The following NEDD4L variants were observed in gnomAD, a reference collection of about 807,000 sequenced individuals.
NEDD4L encodes the protein NEDD4 like E3 ubiquitin protein ligase, also known as E3 ubiquitin-protein ligase NEDD4-like.
A neutral mutation model predicts 148.9 loss-of-function variants in NEDD4L; 54 were observed. That is an observed-to-expected ratio of 0.36 (90% CI 0.29 to 0.45). The LOEUF (loss-of-function observed/expected upper bound fraction) is 0.45, where lower values mean the gene tolerates loss of function less well. Among genes scored for constraint, NEDD4L ranks in the 20% least tolerant of loss-of-function variants. The pLI is 1.00. For synonymous variants in NEDD4L, 433 were observed against 440.7 expected (o/e 0.98, Z 0.22); for missense variants, 856 against 1,233.8 (o/e 0.69, Z 4.59).
intron 12 of NEDD4L, among the ~76,000 whole-genome samples, chr18:58,334,967 C>T (rs1316571836): frequency 6.6e-6 from 1 of 152,166 alleles, no homozygotes; most frequent in African/African-American, 2.4e-5. Context: ...TGGTAGGATC[C>T]TTCTCAACCT....
intron 1 of NEDD4L, among the ~76,000 whole-genome samples, chr18:58,098,212 G>C (rs1197133820): frequency 6.6e-6 from 1 of 152,108 alleles, no homozygotes; most frequent in Non-Finnish European, 1.5e-5. Flanking sequence ...GGAGAACTGA[G>C]AGGGGATCCC....
intron 25 of NEDD4L, among the ~76,000 whole-genome samples, chr18:58,385,119 A>G (rs1009239078): frequency 6.6e-6 from 1 of 152,230 alleles, no homozygotes; most frequent in East Asian, 1.9e-4. Flanking sequence ...ATATGTATAC[A>G]TATATGTGGG....
chr18:58,052,441 A>T (rs1486281171), intron 1 of NEDD4L, among the ~76,000 whole-genome samples: 1 of 151,798 alleles, frequency 6.6e-6, no homozygotes, highest in East Asian at 1.9e-4. Context: ...TAAATTTGAC[A>T]CTCCAGTCAA....
chr18:58,309,103 G>A (rs561702789), intron 5 of NEDD4L, among the ~76,000 whole-genome samples: 2 of 152,306 alleles, frequency 1.3e-5, no homozygotes, highest in South Asian at 4.1e-4. Context: ...GTCCTCATGT[G>A]TCTTCACTTG....
intron 5 of NEDD4L, among the ~76,000 whole-genome samples, chr18:58,284,086 T>G (rs1286667873): frequency 6.6e-6 from 1 of 152,228 alleles, no homozygotes; most frequent in African/African-American, 2.4e-5. Context: ...CCTGCCCATA[T>G]CTTGATCTTG....
At position 58,165,837 on chromosome 18, in the gene NEDD4L, C is replaced by A. The variant is rs776869289; in HGVS notation, c.98C>A (p.Ala33Asp). 6.2e-7 allele frequency: 1 copy of A among 1,610,392 alleles called. No homozygotes were observed. Among genetic ancestry groups the A allele is most frequent in the Non-Finnish European group, 8.5e-7 (1 of 1,178,118 alleles). Residue 33 changes from alanine to aspartate, a missense_variant, in exon 2 of 31, where the codon GCC becomes GAC. Coordinates refer to ENST00000400345, the MANE Select transcript of NEDD4L (RefSeq NM_001144967.3). The stretch of plus-strand genomic sequence containing the variant: ...AAAGTTGTTTCTGGAATTGATCTCG[C>A]CAAAAAGGACATCTTTGGAGCCAGG... ...RVKVVSGIDL[A>D]KKDIFGASDP...
intron 13 of NEDD4L, among the ~76,000 whole-genome samples, chr18:58,337,759 C>G (rs1392297222): frequency 6.6e-6 from 1 of 152,172 alleles, no homozygotes; most frequent in Non-Finnish European, 1.5e-5. Context: ...CAACTCCATA[C>G]GCTGTGCTGA....
rs1388738688 is a variant in NEDD4L, at chr18:58,398,463, T to C, written c.*2194T>C. The C allele has an allele frequency of 2.0e-5, 3 of 152,052 alleles. 1 individual carries two copies. The highest frequency in any genetic ancestry group is 6.6e-5 in the Admixed American group (1 of 15,262). 9.4% of individuals were successfully genotyped at this position (152,052 alleles called of 1,614,324 possible). A position where few individuals can be genotyped will look rare whatever the true frequency, so the allele number is the denominator to read the frequency against. ...AAACCGTATATTGAAAAAAACAGAA[T>C]GTCACTAAATGCATATTAAGTCAAG... On this transcript the variant is annotated 3_prime_UTR_variant, in exon 31 of 31. Transcript: ENST00000400345.
intron 5 of NEDD4L, among the ~76,000 whole-genome samples, chr18:58,300,995 G>T (rs1316238798): frequency 4.6e-5 from 7 of 152,168 alleles, no homozygotes; most frequent in Admixed American, 4.6e-4. Flanking sequence ...CATGTATAAA[G>T]AATCTTTGAA....
chr18:58,186,737 C>T (rs961162537), intron 2 of NEDD4L, among the ~76,000 whole-genome samples: 2 of 152,214 alleles, frequency 1.3e-5, no homozygotes, highest in African/African-American at 4.8e-5. Flanking sequence ...GGAGTTGGAG[C>T]TGCATTCCGG....
Position 58,173,920 on chromosome 18 carries a change from C to G in NEDD4L, c.122+8059C>G, listed in dbSNP as rs1184946211. Among the ~76,000 whole-genome samples the G allele has an allele frequency of 1.5e-4, 23 of 152,164 alleles. 1 individual carries two copies. Among genetic ancestry groups the G allele is most frequent in the Non-Finnish European group, 2.9e-5 (2 of 68,044 alleles). On this transcript the variant is annotated intron_variant, in intron 2 of 30. Coordinates refer to ENST00000400345, the MANE Select transcript of NEDD4L (RefSeq NM_001144967.3). ...TTTAATCGGTGGGTCTATTAAGACT[C>G]TCTTAACCTAGAATAGTGATAAAAG...
chr18:58,317,554 A>T (rs1194799831), intron 6 of NEDD4L, among the ~76,000 whole-genome samples: 1 of 152,232 alleles, frequency 6.6e-6, no homozygotes, highest in East Asian at 1.9e-4. Context: ...TGACATGTTT[A>T]AAAACCTTGC....
At chr18:58,133,741 G>C (rs2032477093) in intron 1 of NEDD4L, among the ~76,000 whole-genome samples, 1 of 152,122 alleles carries the variant, frequency 6.6e-6, no homozygotes, top group Admixed American at 6.5e-5. Flanking sequence ...TCATAAGGTG[G>C]CATAATAATA....
At position 58,330,807 on chromosome 18, in the gene NEDD4L, C is replaced by G. The variant is rs1261449046; in HGVS notation, c.883C>G (p.Pro295Ala). Residue 295 changes from proline to alanine, a missense_variant, in exon 11 of 31, where the codon CCG becomes GCG. Physicochemically the swap from Pro to Ala is conservative, Grantham distance 27. Transcript: ENST00000400345. ...TCTCGGTCTGGCTCTGCCCCCACCA[C>G]CGGCCTCCCCAGGATCTCGGACCAG... ...DSLGLALPPP[P>A]ASPGSRTSPQ... 1 of 1,613,804 alleles carries G rather than the reference C, an allele frequency of 6.2e-7. No homozygotes were observed. Among genetic ancestry groups the G allele is most frequent in the Admixed American group, 1.7e-5 (1 of 60,008 alleles).
chr18:58,388,874 C>G, intron 27 of NEDD4L: 1 of 579,190 alleles, frequency 1.7e-6, no homozygotes, highest in Admixed American at 2.7e-5. Flanking sequence ...GCGCAAGGTT[C>G]GAATTGAGCT....
At chr18:58,252,122 T>G (rs2048010061) in intron 5 of NEDD4L, 68 bp downstream of exon 5, 1 of 1,001,036 alleles carries the variant, frequency 1.0e-6, no homozygotes, top group African/African-American at 1.6e-5. Flanking sequence ...AGCAGCGTCT[T>G]TAAAACTCTG....
rs751417792 is a variant in NEDD4L at position 58,094,900 on chromosome 18, T to TTAAA, written c.48+50192_48+50193insTAAA. Among the ~76,000 whole-genome samples, 58 of 129,528 alleles carry TTAAA rather than the reference T, an allele frequency of 4.5e-4. 1 individual carries two copies. Among genetic ancestry groups the TTAAA allele is most frequent in the Non-Finnish European group, 4.7e-4 (28 of 59,902 alleles). The allele number at this position is 129,528 out of a possible 152,430, so 85.0% of individuals were successfully genotyped here. ...CGTGAATGCCTCTAGAAAGAGCACT[T>TTAAA]AAAAAAAAAAAAAAAAAAGAAGGGA... On this transcript the variant is annotated intron_variant, in intron 1 of 30. Coordinates refer to ENST00000400345, the MANE Select transcript of NEDD4L (RefSeq NM_001144967.3).
intron 8 of NEDD4L, 121 bp from the exon 9 acceptor site, chr18:58,324,875 C>A: frequency 1.1e-6 from 1 of 871,758 alleles, no homozygotes; most frequent in Non-Finnish European, 1.8e-6. Flanking sequence ...GGCCCCGAAG[C>A]CATGGCTAGA....
chr18:58,370,200 C>T (rs1008570324), intron 22 of NEDD4L, among the ~76,000 whole-genome samples, 197 bp from the exon 23 acceptor site: 1 of 152,228 alleles, frequency 6.6e-6, no homozygotes, highest in African/African-American at 2.4e-5. Flanking sequence ...TGCGCCATCT[C>T]TCTTAGCACA....
Sources: gnomAD v4.1 joint callset for allele counts (sites outside exome capture counted in the v4.1 genomes callset) on GRCh38, gnomAD v4.1.1 for gene constraint, MANE v1.5 for transcripts, NCBI Gene and HGNC (gene_info 2026-07-23, HGNC 2026-07-21) for gene names.